LTBP1: variants seen among roughly 807,000 people sequenced by gnomAD.
The protein encoded by LTBP1 is latent-transforming growth factor beta-binding protein 1.
In LTBP1, 129 loss-of-function variants were observed where a neutral mutation model predicts 207.6. The ratio of observed to expected loss-of-function variants is 0.62; its 90% CI spans 0.54 to 0.72. The LOEUF (loss-of-function observed/expected upper bound fraction) is 0.72, where lower values mean the gene tolerates loss of function less well. Ranked by LOEUF, LTBP1 falls within the 30% of genes least tolerant of loss-of-function variation. The pLI is 0.00. For synonymous variants in LTBP1, 963 were observed against 833.7 expected (o/e 1.16, Z -2.67); for missense variants, 2,281 against 2,217.2 (o/e 1.03, Z -0.58).
At chr2:33,242,646 G>A (rs1355750009) in intron 9 of LTBP1, among the ~76,000 whole-genome samples, 1 of 145,270 alleles carries the variant, frequency 6.9e-6, no homozygotes, top group South Asian at 2.2e-4. Context: ...TTCTCATGAT[G>A]TGTAGTCCAG....
intron 31 of LTBP1, among the ~76,000 whole-genome samples, chr2:33,369,856 G>C (rs1356229835): frequency 1.3e-5 from 2 of 152,162 alleles, no homozygotes; most frequent in Non-Finnish European, 2.9e-5. Context: ...TGATTAGTTG[G>C]CATTCCCTTC....
At position 33,389,186 on chromosome 2, in the gene LTBP1, G is replaced by A; in HGVS notation, c.4714G>A (p.Asp1572Asn). The change falls in exon 32 of 34, where the codon GAC becomes AAC. Residue 1572 changes from aspartate (D) to asparagine (N), a missense_variant and splice_region_variant. Transcript: ENST00000404816. ...CATGCTGCTTGTCTACTCCTTAGAT[G>A]ACTATGCTCAGCTGTGTAACATCCC... ...CALCPLKDSD[D>N]YAQLCNIPVT... 1.9e-6 allele frequency: 3 copies of A among 1,614,110 alleles called. No individual in the cohort carries two copies. Among genetic ancestry groups the A allele is most frequent in the Non-Finnish European group, 2.5e-6 (3 of 1,180,016 alleles).
At chr2:33,110,467 C>G in intron 3 of LTBP1, 115 bp from the exon 4 acceptor site, 1 of 927,650 alleles carries the variant, frequency 1.1e-6, no homozygotes, top group Non-Finnish European at 1.6e-6. Context: ...AAAAATGAGC[C>G]TTGCTTGGAA....
intron 22 of LTBP1, among the ~76,000 whole-genome samples, chr2:33,304,731 A>G (rs1325482564): frequency 6.6e-6 from 1 of 152,220 alleles, no homozygotes; most frequent in African/African-American, 2.4e-5. Flanking sequence ...TGCTCCCTGC[A>G]GTCCTTTACA....
intron 11 of LTBP1, among the ~76,000 whole-genome samples, chr2:33,254,551 T>TTG (rs1553469980): frequency 7.1e-6 from 1 of 140,396 alleles, no homozygotes; most frequent in South Asian, 2.2e-4. Flanking sequence ...TAAACTTGGT[T>TTG]TTTTTTTTTT....
Position 33,347,367 on chromosome 2 carries a change from A to T in LTBP1, c.3857A>T (p.Asp1286Val), listed in dbSNP as rs886194036. ...QAPQDGQGCV[D>V]VNECELLSGV... ...ACTTGGTCTGTGCTCCCTTTTCCAGATGTGAATGAATGTGAACTGCTCAGT... is the reference window on the plus strand; with the variant it reads ...ACTTGGTCTGTGCTCCCTTTTCCAGTTGTGAATGAATGTGAACTGCTCAGT... Residue 1286 changes from aspartate (D) to valine (V), a missense_variant and splice_region_variant, in exon 26 of 34, where the codon GAT becomes GTT. By Grantham distance (152) the Asp-to-Val change is radical. Coordinates refer to ENST00000404816, the MANE Select transcript of LTBP1 (RefSeq NM_206943.4). 4 of 1,614,108 alleles carry T rather than the reference A, an allele frequency of 2.5e-6. No individual in the cohort carries two copies. Among genetic ancestry groups the T allele is most frequent in the Non-Finnish European group, 2.5e-6 (3 of 1,180,000 alleles).
At position 33,273,782 on chromosome 2, in the gene LTBP1, G is replaced by T; in HGVS notation, c.2743+1G>T. ...AGTGAACAACAGAGGAAATGTGTGG[G>T]TAAGAGACAATTTGATTGACTAAAT... On this transcript the variant is annotated splice_donor_variant, in intron 16 of 33. Coordinates refer to ENST00000404816, the MANE Select transcript of LTBP1 (RefSeq NM_206943.4). LOFTEE classifies it high-confidence loss of function. 6.3e-7 allele frequency: 1 copy of T among 1,587,790 alleles called. No individual in the cohort carries two copies. Among genetic ancestry groups the T allele is most frequent in the Non-Finnish European group, 8.5e-7 (1 of 1,171,492 alleles).
chr2:33,064,366 A>C (rs2077404198), intron 3 of LTBP1, among the ~76,000 whole-genome samples: 2 of 152,218 alleles, frequency 1.3e-5, no homozygotes, highest in South Asian at 4.1e-4. Flanking sequence ...CTAAAAAGTT[A>C]GCCTCCCACA....
Position 33,301,650 on chromosome 2 carries a change from A to G in LTBP1, c.3481+6A>G. On this transcript the variant is annotated splice_donor_region_variant and intron_variant, in intron 22 of 33. Coordinates refer to ENST00000404816, the MANE Select transcript of LTBP1 (RefSeq NM_206943.4). The stretch of plus-strand genomic sequence containing the variant: ...GCTTGGAGACCACTGTGAAGGTAAG[A>G]ATTGCTCCTGATTTCAGAATCATAA... 6.3e-7 allele frequency: 1 copy of G among 1,579,634 alleles called. No individual in the cohort carries two copies. Among genetic ancestry groups the G allele is most frequent in the Non-Finnish European group, 8.6e-7 (1 of 1,166,882 alleles).
chr2:33,353,563 C>A (rs570167326), intron 26 of LTBP1, among the ~76,000 whole-genome samples: 26 of 152,204 alleles, frequency 1.7e-4, no homozygotes, highest in African/African-American at 4.8e-4. Flanking sequence ...CCTTTCATAA[C>A]CCATCCCTCC....
In LTBP1 at chr2:33,375,205, A is replaced by G. The variant is rs377044027; in HGVS notation, c.4711+9702A>G. Among the ~76,000 whole-genome samples the G allele has an allele frequency of 4.1e-4, 63 of 152,302 alleles. No individual in the cohort carries two copies. The South Asian group carries it at 0.012, about 29-fold the overall frequency. Reference sequence around the variant, plus strand: ...TCAAGAGGGTTAAATGTGATAATGCATGGGAGAGGATTGGCCTACAGTAAA... The same window carrying G: ...TCAAGAGGGTTAAATGTGATAATGCGTGGGAGAGGATTGGCCTACAGTAAA... On this transcript the variant is annotated intron_variant, in intron 31 of 33. Transcript: ENST00000404816.
intron 4 of LTBP1, among the ~76,000 whole-genome samples, chr2:33,117,742 T>C (rs776725396): frequency 3.3e-5 from 5 of 152,122 alleles, no homozygotes; most frequent in Non-Finnish European, 7.4e-5. Context: ...ATGGGATGGA[T>C]GCTGCAAAAG....
intron 5 of LTBP1, among the ~76,000 whole-genome samples, chr2:33,162,350 T>A (rs948376786): frequency 6.6e-5 from 10 of 152,236 alleles, no homozygotes; most frequent in Admixed American, 5.9e-4. Flanking sequence ...GCTTTAGGAA[T>A]TCTGAATGGA....
In LTBP1 at chr2:33,398,398, GTC is replaced by G. The variant is rs1314854849; in HGVS notation, c.5025_5026del (p.Cys1676GlnfsTer7). ...NECDELNNRMSLCKNAKCINT... is the reference protein window; with the variant it reads ...NECDELNNRMXLCKNAKCINT... Reference sequence around the variant, plus strand: ...AATGCGATGAGTTGAACAACCGGATGTCTCTCTGCAAGAATGCCAAGTGCATT... The same window carrying G: ...AATGCGATGAGTTGAACAACCGGATGTCTCTGCAAGAATGCCAAGTGCATT... On this transcript the variant is annotated frameshift_variant, in exon 34 of 34. Coordinates refer to ENST00000404816, the MANE Select transcript of LTBP1 (RefSeq NM_206943.4). LOFTEE classifies it high-confidence loss of function. 6.2e-7 allele frequency: 1 copy of G among 1,614,110 alleles called. No individual in the cohort carries two copies. Among genetic ancestry groups the G allele is most frequent in the East Asian group, 2.2e-5 (1 of 44,888 alleles).
chr2:33,064,262 C>T (rs867006966), intron 3 of LTBP1, among the ~76,000 whole-genome samples: 1 of 152,172 alleles, frequency 6.6e-6, no homozygotes, highest in Non-Finnish European at 1.5e-5. Flanking sequence ...ACCTTGCAGC[C>T]TCCAAAATTT....
At chr2:33,217,004 C>G (rs757853452) in intron 7 of LTBP1, among the ~76,000 whole-genome samples, 5 of 152,180 alleles carry the variant, frequency 3.3e-5, no homozygotes, top group Non-Finnish European at 2.9e-5. Context: ...CTGCCTGGAG[C>G]CTTCGTCTCT....
At chr2:33,283,476 G>A (rs546704507) in intron 19 of LTBP1, among the ~76,000 whole-genome samples, 19 of 109,640 alleles carry the variant, frequency 1.7e-4, no homozygotes, top group African/African-American at 6.0e-4. Context: ...TCGCTCTTTC[G>A]CCCAGGCTGA....
At chr2:32,979,253 G>T (rs951868303) in intron 2 of LTBP1, among the ~76,000 whole-genome samples, 2 of 150,766 alleles carry the variant, frequency 1.3e-5, no homozygotes, top group African/African-American at 4.9e-5. Context: ...GGTTTAGTTT[G>T]CTCTTGCTTT....
intron 3 of LTBP1, among the ~76,000 whole-genome samples, chr2:33,089,833 A>G (rs218177): frequency 4.6e-5 from 7 of 152,154 alleles, no homozygotes; most frequent in African/African-American, 1.2e-4. Flanking sequence ...TAAAAAGATA[A>G]CATTTGCTTT....
Sources: gnomAD v4.1 joint callset for allele counts (sites outside exome capture counted in the v4.1 genomes callset) on GRCh38, gnomAD v4.1.1 for gene constraint, MANE v1.5 for transcripts, NCBI Gene and HGNC (gene_info 2026-07-23, HGNC 2026-07-21) for gene names.